Variants in SH3KBP1 observed in about 807,000 individuals in gnomAD.
The protein encoded by SH3KBP1 is SH3 domain containing kinase binding protein 1, also known as SH3 domain-containing kinase-binding protein 1.
A neutral mutation model predicts 50.1 loss-of-function variants in SH3KBP1; 8 were observed. That is an observed-to-expected ratio of 0.16 (90% CI 0.09 to 0.29). The LOEUF (loss-of-function observed/expected upper bound fraction) is 0.29, where lower values mean the gene tolerates loss of function less well. SH3KBP1 is among the 10% of genes least tolerant of loss of function. SH3KBP1 has a pLI of 1.00. For synonymous variants in SH3KBP1, 227 were observed against 218.6 expected (o/e 1.04, Z -0.34); for missense variants, 377 against 535.2 (o/e 0.70, Z 2.92).
chrX:19,740,172 TAAC>T (rs769926539), intron 3 of SH3KBP1, among the ~76,000 whole-genome samples: 1 of 111,219 alleles, frequency 9.0e-6, no homozygotes, highest in African/African-American at 3.3e-5. Flanking sequence ...TGAAAAAGGG[TAAC>T]ACACACTCCA....
chrX:19,535,056 A>T lies in SH3KBP1; in HGVS notation c.*1361T>A, dbSNP rs1401013162. 4 of 296,002 alleles carry T rather than the reference A, an allele frequency of 1.4e-5. No homozygotes were observed. In the East Asian group the frequency reaches 1.9e-4, roughly 14 times the overall value. The allele number at this position is 296,002 out of a possible 1,213,427, so 24.4% of individuals were successfully genotyped here. On this transcript the variant is annotated 3_prime_UTR_variant, in exon 18 of 18. Transcript: ENST00000397821. ...AACACATCCAACATCTTCAGGGGCC[A>T]TTAAGGGACCACCCCCTCCACCCCT...
At chrX:19,870,961 G>A (rs779378386) in intron 1 of SH3KBP1, among the ~76,000 whole-genome samples, 1 of 111,552 alleles carries the variant, frequency 9.0e-6, no homozygotes, top group African/African-American at 3.3e-5. Flanking sequence ...GGAATTATTG[G>A]GAAATGTTTT....
At chrX:19,847,989 TG>T (rs1229980750) in intron 1 of SH3KBP1, among the ~76,000 whole-genome samples, 1 of 111,963 alleles carries the variant, frequency 8.9e-6, no homozygotes, top group East Asian at 2.8e-4. Flanking sequence ...CTAAATAAAC[TG>T]GATTGGGTTT....
At chrX:19,651,701 G>A (rs2062131613) in intron 6 of SH3KBP1, among the ~76,000 whole-genome samples, 2 of 111,653 alleles carry the variant, frequency 1.8e-5, no homozygotes, top group Non-Finnish European at 3.8e-5. Flanking sequence ...CAGTTGTCAA[G>A]TATATCACAC....
In SH3KBP1 at chrX:19,571,481, A is replaced by G. The variant is rs1199064027; in HGVS notation, c.1299-2293T>C. 5.4e-5 allele frequency among the ~76,000 whole-genome samples: 6 copies of G among 112,090 alleles called. No homozygotes were observed. The Admixed American group carries it at 5.7e-4, about 11-fold the overall frequency. On this transcript the variant is annotated intron_variant, in intron 12 of 17. Transcript: ENST00000397821. ...CAGGATGGAGGACATTTATTTCAAA[A>G]CATTTCACTGTCAGGGCCCCAGCAC...
At chrX:19,542,285 G>T in intron 15 of SH3KBP1, 92 bp from the exon 16 acceptor site, 1 of 859,254 alleles carries the variant, frequency 1.2e-6, no homozygotes, top group Non-Finnish European at 1.6e-6. Context: ...TAACACCACT[G>T]TCCCCGCCTC....
intron 14 of SH3KBP1, among the ~76,000 whole-genome samples, chrX:19,548,437 G>A (rs2065144954): frequency 9.0e-6 from 1 of 111,232 alleles, no homozygotes; most frequent in African/African-American, 3.3e-5. Flanking sequence ...GTGGGTATAA[G>A]AGGGGTGTTG....
Position 19,887,413 on chromosome X carries a change from G to C in SH3KBP1, c.-103C>G. The C allele has an allele frequency of 1.4e-6, 1 of 707,384 alleles. No homozygotes were observed. Among genetic ancestry groups the C allele is most frequent in the Non-Finnish European group, 1.8e-6 (1 of 550,846 alleles). 58.3% of individuals were successfully genotyped at this position (707,384 alleles called of 1,213,427 possible). A position where few individuals can be genotyped will look rare whatever the true frequency, so the allele number is the denominator to read the frequency against. On this transcript the variant is annotated 5_prime_UTR_variant, in exon 1 of 18. Coordinates refer to ENST00000397821, the MANE Select transcript of SH3KBP1 (RefSeq NM_031892.3). ...CGGGGCGCTGGGATCCAGGCGCGAG[G>C]GTCCGGACGCGGCGGCGGCTGGGCC...
intron 1 of SH3KBP1, among the ~76,000 whole-genome samples, chrX:19,870,626 G>A (rs915468287): frequency 2.7e-5 from 3 of 112,076 alleles, no homozygotes; most frequent in African/African-American, 6.5e-5. Flanking sequence ...GATTAGAAGC[G>A]TGAGCCACCA....
chrX:19,618,454 T>C (rs1460245755), intron 8 of SH3KBP1, among the ~76,000 whole-genome samples: 1 of 103,939 alleles, frequency 9.6e-6, no homozygotes, highest in African/African-American at 3.6e-5. Context: ...ACCCAACAGA[T>C]GCTGCCATGC....
chrX:19,685,023 G>A (rs1445153905), intron 5 of SH3KBP1, among the ~76,000 whole-genome samples: 2 of 112,178 alleles, frequency 1.8e-5, no homozygotes, highest in African/African-American at 6.5e-5. Flanking sequence ...AGGATTCAAA[G>A]AATATTTTAT....
chrX:19,565,026 T>C (rs1406173698), intron 13 of SH3KBP1, among the ~76,000 whole-genome samples: 2 of 105,452 alleles, frequency 1.9e-5, no homozygotes, highest in Admixed American at 2.1e-4. Context: ...GGCTCATGGG[T>C]CAGAGAGACC....
chrX:19,841,709 CTGA>C (rs1438409897), intron 1 of SH3KBP1, among the ~76,000 whole-genome samples: 1 of 109,416 alleles, frequency 9.1e-6, no homozygotes, highest in Non-Finnish European at 1.9e-5. Context: ...TTTTTTTTTC[CTGA>C]ATTTTACAAA....
At chrX:19,831,513 C>T (rs755331735) in intron 2 of SH3KBP1, among the ~76,000 whole-genome samples, 73 of 105,328 alleles carry the variant, frequency 6.9e-4, no homozygotes, top group South Asian at 2.6e-3. Context: ...GATTCCTGAC[C>T]GGGTGTGGTG....
At chrX:19,569,826 A>C (rs1316215804) in intron 12 of SH3KBP1, among the ~76,000 whole-genome samples, 1 of 111,555 alleles carries the variant, frequency 9.0e-6, no homozygotes, top group African/African-American at 3.3e-5. Flanking sequence ...CAGGCCTCCA[A>C]GATGACGAGA....
chrX:19,616,214 G>C (rs924445647), intron 8 of SH3KBP1, among the ~76,000 whole-genome samples: 1 of 110,897 alleles, frequency 9.0e-6, no homozygotes, highest in South Asian at 3.8e-4. Flanking sequence ...TGCCCGCCTC[G>C]GCCCTCCAAA....
chrX:19,659,435 A>T (rs2062395990), intron 6 of SH3KBP1, among the ~76,000 whole-genome samples: 1 of 106,435 alleles, frequency 9.4e-6, no homozygotes, highest in Non-Finnish European at 1.9e-5. Flanking sequence ...CTAATTTTTA[A>T]TTTTTTTTTC....
At chrX:19,771,195 A>C (rs1383364632) in intron 2 of SH3KBP1, among the ~76,000 whole-genome samples, 1 of 112,603 alleles carries the variant, frequency 8.9e-6, no homozygotes, top group Non-Finnish European at 1.9e-5. Context: ...AACTCTACTT[A>C]TAAGGACTTA....
At chrX:19,541,896 A>T (rs1207038774) in intron 16 of SH3KBP1, 29 bp downstream of exon 16, 1 of 1,182,886 alleles carries the variant, frequency 8.5e-7, no homozygotes, top group South Asian at 1.9e-5. Context: ...AACCTGGGTG[A>T]CGGCCCCCAA....
Sources: gnomAD v4.1 joint callset for allele counts (sites outside exome capture counted in the v4.1 genomes callset) on GRCh38, gnomAD v4.1.1 for gene constraint, MANE v1.5 for transcripts, NCBI Gene and HGNC (gene_info 2026-07-23, HGNC 2026-07-21) for gene names.